CFAP221: variants seen among roughly 807,000 people sequenced by gnomAD.
CFAP221 encodes cilia and flagella associated protein 221.
A neutral mutation model predicts 113.1 loss-of-function variants in CFAP221; 97 were observed. That is an observed-to-expected ratio of 0.86 (90% CI 0.73 to 1.02). The LOEUF (loss-of-function observed/expected upper bound fraction) is 1.02, where lower values mean the gene tolerates loss of function less well. CFAP221 is among the 50% of genes least tolerant of loss of function. The pLI, the probability that CFAP221 is intolerant of heterozygous loss-of-function variation, is 0.00. For synonymous variants in CFAP221, 331 were observed against 354.4 expected, an observed-to-expected ratio of 0.93 and a Z score of 0.74; for missense variants, 1,025 against 1,013.4, an observed-to-expected ratio of 1.01 and a Z score of -0.16.
In CFAP221 at chr2:119,630,659, C is replaced by T. The variant is rs778957556; in HGVS notation, c.1821C>T (p.Ala607=). ...TSYRPQKLAR[A]LKQGAEDEVT... is the part of the protein sequence containing the mutation. ...ACAGACCTCAAAAGCTTGCCCGAGC[C>T]CTAAAGCAAGGAGCTGAGGTAACAC... is the stretch of plus-strand genomic sequence containing the variant. The change falls in exon 18 of 24, where the codon GCC becomes GCT. Residue 607 remains alanine (A), a synonymous_variant. Coordinates refer to ENST00000413369, the MANE Select transcript of CFAP221 (RefSeq NM_001271049.2). The T allele has an allele frequency of 2.5e-6, 4 of 1,613,266 alleles. No homozygotes were observed. The Admixed American group carries it at 6.7e-5, about 27-fold the overall frequency.
chr2:119,622,970 G>T (rs1250032584), intron 14 of CFAP221, among the ~76,000 whole-genome samples: 1 of 152,188 alleles, frequency 6.6e-6, no homozygotes, highest in Non-Finnish European at 1.5e-5. Flanking sequence ...AGACAAGGAT[G>T]CCCTCTCTCA....
At chr2:119,562,673 T>G (rs567796205) in intron 6 of CFAP221, among the ~76,000 whole-genome samples, 1 of 152,348 alleles carries the variant, frequency 6.6e-6, no homozygotes, top group African/African-American at 2.4e-5. Context: ...ATTCTCTCCT[T>G]TTTTTGGTGA....
intron 7 of CFAP221, 84 bp from the exon 8 acceptor site, chr2:119,601,134 C>G (rs1292080623): frequency 2.3e-6 from 3 of 1,277,276 alleles, no homozygotes; most frequent in Non-Finnish European, 3.1e-6. Flanking sequence ...GTCAGAGGGT[C>G]AGCCATATTT....
chr2:119,585,702 G>A (rs1329782699), intron 6 of CFAP221, among the ~76,000 whole-genome samples: 4 of 152,162 alleles, frequency 2.6e-5, no homozygotes, highest in Admixed American at 1.3e-4. Flanking sequence ...AGCCACATGT[G>A]AGTTATGTCA....
chr2:119,625,648 A>G lies in CFAP221; in HGVS notation c.1476A>G (p.Ile492Met), dbSNP rs755404887. Reference sequence around the variant, plus strand: ...TTCGTGAAATGGACAAAGAGAGTATACTGAGAAAGATTGGCCAAGCAAAAC... The same window carrying G: ...TTCGTGAAATGGACAAAGAGAGTATGCTGAGAAAGATTGGCCAAGCAAAAC... ...SAVREMDKES[I>M]LRKIGQAKQS... Residue 492 changes from isoleucine (I) to methionine (M), a missense_variant, in exon 15 of 24, where the codon ATA becomes ATG. By Grantham distance (10) the Ile-to-Met change is conservative. Coordinates refer to ENST00000413369, the MANE Select transcript of CFAP221 (RefSeq NM_001271049.2). The G allele has an allele frequency of 2.5e-6, 4 of 1,613,836 alleles. No individual in the cohort carries two copies. The highest frequency in any genetic ancestry group is 2.5e-6 in the Non-Finnish European group (3 of 1,179,668).
chr2:119,647,659 T>G (rs567303555), intron 22 of CFAP221, among the ~76,000 whole-genome samples: 52 of 152,272 alleles, frequency 3.4e-4, no homozygotes, highest in Non-Finnish European at 6.2e-4. Context: ...CATTGCCCCA[T>G]TTGCAAATGC....
At chr2:119,621,432 C>T (rs999977194) in intron 14 of CFAP221, among the ~76,000 whole-genome samples, 1 of 152,128 alleles carries the variant, frequency 6.6e-6, no homozygotes. Flanking sequence ...GACTCCCACA[C>T]AATAATAGTG....
At chr2:119,612,504 A>C (rs957265620) in intron 13 of CFAP221, among the ~76,000 whole-genome samples, 1 of 152,160 alleles carries the variant, frequency 6.6e-6, no homozygotes, top group Non-Finnish European at 1.5e-5. Context: ...TGAGAACAGG[A>C]TGGGGGAAAC....
chr2:119,574,596 A>G (rs1405240016), intron 6 of CFAP221, among the ~76,000 whole-genome samples: 2 of 152,128 alleles, frequency 1.3e-5, no homozygotes, highest in Non-Finnish European at 2.9e-5. Flanking sequence ...TCCTTGCCTG[A>G]TTAATACAGC....
At chr2:119,576,103 C>T (rs1213046463) in intron 6 of CFAP221, among the ~76,000 whole-genome samples, 1 of 152,162 alleles carries the variant, frequency 6.6e-6, no homozygotes, top group Non-Finnish European at 1.5e-5. Flanking sequence ...AGGAGAGAAA[C>T]CATCAAGCCC....
In CFAP221 at chr2:119,574,310, C is replaced by T. The variant is rs115973770; in HGVS notation, c.527+12196C>T. ...GGGTTTTCTGTCTAGTCTGTATAAA[C>T]TCTTGGAATGATTCATTACATTCAA... On this transcript the variant is annotated intron_variant, in intron 6 of 23. Coordinates refer to ENST00000413369, the MANE Select transcript of CFAP221 (RefSeq NM_001271049.2). 2.6e-3 allele frequency among the ~76,000 whole-genome samples: 399 copies of T among 152,276 alleles called. 2 individuals are homozygous for T. Among genetic ancestry groups the T allele is most frequent in the African/African-American group, 9.1e-3 (376 of 41,546 alleles).
At chr2:119,603,520 C>T (rs769176997) in intron 8 of CFAP221, among the ~76,000 whole-genome samples, 2 of 152,188 alleles carry the variant, frequency 1.3e-5, no homozygotes, top group African/African-American at 2.4e-5. Context: ...AAGTTCCATA[C>T]AATGCAACCA....
intron 15 of CFAP221, 122 bp from the exon 16 acceptor site, chr2:119,627,531 A>G: frequency 3.2e-6 from 2 of 632,514 alleles, no homozygotes; most frequent in Non-Finnish European, 2.4e-6. Context: ...ATATATATAT[A>G]TATATATATA....
At chr2:119,603,346 G>A (rs1266284874) in intron 8 of CFAP221, among the ~76,000 whole-genome samples, 2 of 152,144 alleles carry the variant, frequency 1.3e-5, no homozygotes, top group African/African-American at 2.4e-5. Flanking sequence ...AGGCTCCACT[G>A]AGACAGGGAT....
intron 22 of CFAP221, among the ~76,000 whole-genome samples, chr2:119,649,362 A>T (rs1687989940): frequency 6.6e-6 from 1 of 152,214 alleles, no homozygotes. Context: ...TCAACTCACG[A>T]TATTTACAAC....
intron 21 of CFAP221, among the ~76,000 whole-genome samples, chr2:119,646,670 C>A (rs1281919994): frequency 6.6e-6 from 1 of 152,110 alleles, no homozygotes; most frequent in Non-Finnish European, 1.5e-5. Flanking sequence ...CTACACTCAC[C>A]CCAGGAGATA....
intron 22 of CFAP221, among the ~76,000 whole-genome samples, chr2:119,649,797 C>T (rs1688017961): frequency 6.6e-6 from 1 of 152,168 alleles, no homozygotes; most frequent in South Asian, 2.1e-4. Context: ...GTTGCATTCT[C>T]AGTACATCCT....
At chr2:119,596,476 C>G (rs1307508947) in intron 7 of CFAP221, among the ~76,000 whole-genome samples, 1 of 152,212 alleles carries the variant, frequency 6.6e-6, no homozygotes, top group Non-Finnish European at 1.5e-5. Context: ...TCCTCCCCAG[C>G]ATCCTCTACT....
At chr2:119,651,885 C>A in intron 22 of CFAP221, 89 bp from the exon 23 acceptor site, 3 of 998,534 alleles carry the variant, frequency 3.0e-6, no homozygotes, top group Non-Finnish European at 4.3e-6. Context: ...ACAAGAATTG[C>A]ATAACTCCTA....
Sources: gnomAD v4.1 joint callset for allele counts (sites outside exome capture counted in the v4.1 genomes callset) on GRCh38, gnomAD v4.1.1 for gene constraint, MANE v1.5 for transcripts, NCBI Gene and HGNC (gene_info 2026-07-23, HGNC 2026-07-21) for gene names.